Variants in RNF20 observed in about 807,000 individuals in gnomAD.
The protein encoded by RNF20 is E3 ubiquitin-protein ligase BRE1A.
RNF20 carries 84 observed loss-of-function variants against 126.2 expected under a neutral mutation model. The observed-to-expected ratio is 0.67, with a 90% CI of 0.56 to 0.80. The LOEUF (loss-of-function observed/expected upper bound fraction) is 0.80, where lower values mean the gene tolerates loss of function less well. Among genes scored for constraint, RNF20 ranks in the 30% least tolerant of loss-of-function variants. The pLI, the probability that RNF20 is intolerant of heterozygous loss-of-function variation, is 0.00. For missense variants in RNF20, 869 were observed against 1,188.2 expected (o/e 0.73, Z 3.95); for synonymous variants, 400 against 414.3 (o/e 0.97, Z 0.42).
intron 6 of RNF20, among the ~76,000 whole-genome samples, chr9:101,545,545 CTG>C (rs1827333835): frequency 6.6e-6 from 1 of 152,186 alleles, no homozygotes; most frequent in African/African-American, 2.4e-5. Flanking sequence ...TGTGTTGTGA[CTG>C]TAGGTCTGTT....
rs79519983 is a variant in RNF20, at chr9:101,544,372, G to A, written c.629-395G>A. ...CTTCCCAAGGTGCTAGGATTACAGC[G>A]TGAGCTGCTATACCTGGCCAAGGAT... On this transcript the variant is annotated intron_variant, in intron 5 of 19. Coordinates refer to ENST00000389120, the MANE Select transcript of RNF20 (RefSeq NM_019592.7). 2.0e-5 allele frequency among the ~76,000 whole-genome samples: 3 copies of A among 152,302 alleles called. No homozygotes were observed. In the South Asian group the frequency reaches 6.2e-4, roughly 32 times the overall value.
At position 101,540,277 on chromosome 9, in the gene RNF20, T is replaced by C; in HGVS notation, c.204T>C (p.Ile68=). Residue 68 remains isoleucine (I), a synonymous_variant, in exon 3 of 20, where the codon ATT becomes ATC. Transcript: ENST00000389120. The part of the protein sequence containing the change: ...LAEMLDQRQA[I]EDELREHIEK... ...AAATGTTGGATCAGCGGCAGGCCATTGAAGATGAACTTCGTGAGCACATTG... is the reference window on the plus strand; with the variant it reads ...AAATGTTGGATCAGCGGCAGGCCATCGAAGATGAACTTCGTGAGCACATTG... 1 of 1,614,188 alleles carries C rather than the reference T, an allele frequency of 6.2e-7. No homozygotes were observed. Among genetic ancestry groups the C allele is most frequent in the African/African-American group, 1.3e-5 (1 of 75,058 alleles).
chr9:101,547,668 A>G (rs1827374167), intron 9 of RNF20, 150 bp downstream of exon 9: 1 of 965,074 alleles, frequency 1.0e-6, no homozygotes, highest in Non-Finnish European at 1.5e-6. Context: ...TTAACAAATT[A>G]GGTGTAAAGA....
chr9:101,553,951 T>C (rs925354191), intron 13 of RNF20, 37 bp from the exon 14 acceptor site: 2 of 1,184,244 alleles, frequency 1.7e-6, no homozygotes, highest in East Asian at 2.4e-5. Context: ...TATTTTCTTA[T>C]TACATTGTTC....
At chr9:101,562,122 T>TG (rs1264864865) in intron 19 of RNF20, 111 bp downstream of exon 19, 3 of 1,302,406 alleles carry the variant, frequency 2.3e-6, no homozygotes, top group South Asian at 1.4e-5. Context: ...TTTTGGAGGT[T>TG]GGGGGGAAAT....
chr9:101,552,810 T>C, intron 13 of RNF20, 57 bp downstream of exon 13: 3 of 1,486,382 alleles, frequency 2.0e-6, no homozygotes, highest in Non-Finnish European at 2.7e-6. Context: ...TAAGACATCA[T>C]GCATGAAATG....
chr9:101,535,300 G>A (rs756106724), intron 1 of RNF20, 98 bp from the exon 2 acceptor site: 60 of 786,304 alleles, frequency 7.6e-5, no homozygotes, highest in Non-Finnish European at 1.1e-4. Flanking sequence ...CAGGTTAAAG[G>A]GTTGGCCAGA....
In RNF20 at chr9:101,551,929, T is replaced by C. The variant is rs1012155661; in HGVS notation, c.1408+110T>C. The stretch of plus-strand genomic sequence containing the variant: ...CTGACTTCAACTCAGAAGTCATAAG[T>C]ACCTTAAATCCTATAATTCATTTTG... On this transcript the variant is annotated intron_variant, in intron 11 of 19. Transcript: ENST00000389120. 5.4e-5 allele frequency: 72 copies of C among 1,332,200 alleles called. No homozygotes were observed. The East Asian group carries it at 1.7e-3, about 31-fold the overall frequency. 82.5% of individuals were successfully genotyped at this position (1,332,200 alleles called of 1,614,324 possible). A position where few individuals can be genotyped will look rare whatever the true frequency, so the allele number is the denominator to read the frequency against.
In RNF20 at chr9:101,552,768, T is replaced by A; in HGVS notation, c.1901+15T>A. On this transcript the variant is annotated intron_variant, in intron 13 of 19. Transcript: ENST00000389120. Reference sequence around the variant, plus strand: ...ATTGAACTCAAGTAAGAACCACATTTAGAGTAACAGTTTCGACTGAAAAGC... The same window carrying A: ...ATTGAACTCAAGTAAGAACCACATTAAGAGTAACAGTTTCGACTGAAAAGC... 2 of 1,585,192 alleles carry A rather than the reference T, an allele frequency of 1.3e-6. No individual in the cohort carries two copies. Among genetic ancestry groups the A allele is most frequent in the Non-Finnish European group, 1.7e-6 (2 of 1,167,122 alleles).
At chr9:101,545,253 A>G (rs970006071) in intron 6 of RNF20, among the ~76,000 whole-genome samples, 39 of 152,220 alleles carry the variant, frequency 2.6e-4, no homozygotes, top group Admixed American at 2.6e-3. Flanking sequence ...AATGATCAAG[A>G]TAAAGTGATG....
At chr9:101,557,327 T>TC (rs1827550719) in intron 15 of RNF20, 57 bp from the exon 16 acceptor site, 2 of 1,302,984 alleles carry the variant, frequency 1.5e-6, no homozygotes, top group Non-Finnish European at 2.2e-6. Context: ...TTTCCTGTGC[T>TC]CTTCCATTGA....
intron 2 of RNF20, 69 bp downstream of exon 2, chr9:101,535,621 T>C (rs778461662): frequency 3.2e-5 from 49 of 1,548,526 alleles, no homozygotes; most frequent in Non-Finnish European, 4.3e-5. Flanking sequence ...TAAAAATTCA[T>C]GGAAGCTTTC....
rs180711110 is a variant in RNF20, at chr9:101,544,763, C to T, written c.629-4C>T. 2.5e-6 allele frequency: 4 copies of T among 1,576,042 alleles called. No homozygotes were observed. In the African/African-American group the frequency reaches 4.0e-5, roughly 16 times the overall value. ...TAAATTAAAGTATAGTTCTTCTTCC[C>T]CAGATAATCTGATAGTGGAGGAAGC... On this transcript the variant is annotated splice_polypyrimidine_tract_variant and splice_region_variant and intron_variant, in intron 5 of 19. Coordinates refer to ENST00000389120, the MANE Select transcript of RNF20 (RefSeq NM_019592.7).
chr9:101,552,568 AAGG>A lies in RNF20; in HGVS notation c.1720_1722del (p.Arg574del), dbSNP rs774943902. On this transcript the variant is annotated inframe_deletion, in exon 13 of 20. Transcript: ENST00000389120. ...GGGATGAAGAAGAACGAGAACGAGA[AAGG>A]AGGGAGAAGGAGAGGGAACGAGAAA... 7 of 1,605,544 alleles carry A rather than the reference AAGG, an allele frequency of 4.4e-6. No individual in the cohort carries two copies. In the Admixed American group the frequency reaches 5.0e-5, roughly 11 times the overall value.
chr9:101,555,256 T>C (rs1255052829), intron 15 of RNF20, among the ~76,000 whole-genome samples: 5 of 151,854 alleles, frequency 3.3e-5, no homozygotes, highest in African/African-American at 9.7e-5. Context: ...TATATCATTA[T>C]ATATTTCTAT....
chr9:101,536,013 T>C (rs957631943), intron 2 of RNF20, among the ~76,000 whole-genome samples: 3 of 152,228 alleles, frequency 2.0e-5, no homozygotes, highest in African/African-American at 7.2e-5. Context: ...TTTTCTTGTC[T>C]GTAAAATGTA....
chr9:101,549,727 C>T lies in RNF20; in HGVS notation c.1093-879C>T, dbSNP rs370855372. Among the ~76,000 whole-genome samples the T allele has an allele frequency of 2.1e-4, 32 of 152,332 alleles. No individual in the cohort carries two copies. In the East Asian group the frequency reaches 6.0e-3, roughly 28 times the overall value. On this transcript the variant is annotated intron_variant, in intron 9 of 19. Transcript: ENST00000389120. The stretch of plus-strand genomic sequence containing the variant: ...CCAAGGAGCCCTCTGGTGGCCCTGT[C>T]TGGGCATAACAGAAGGCTCGCACTC...
intron 9 of RNF20, 126 bp from the exon 10 acceptor site, chr9:101,550,480 A>T (rs1827425081): frequency 2.6e-6 from 2 of 782,572 alleles, no homozygotes; most frequent in Non-Finnish European, 2.1e-6. Flanking sequence ...TGGGTAGATA[A>T]CTTAATAATC....
chr9:101,549,230 A>G (rs554600648), intron 9 of RNF20, among the ~76,000 whole-genome samples: 6 of 152,346 alleles, frequency 3.9e-5, no homozygotes, highest in Admixed American at 2.6e-4. Flanking sequence ...ACAAAGGGGC[A>G]GGATAAGGAG....
Sources: allele counts gnomAD v4.1 joint callset (sites outside exome capture counted in the v4.1 genomes callset), GRCh38; gene constraint gnomAD v4.1.1; transcripts MANE v1.5; gene names NCBI Gene and HGNC (gene_info 2026-07-23, HGNC 2026-07-21).